Variants in PPP1R3A observed in about 807,000 individuals in gnomAD.
PPP1R3A encodes RG1.
Under a neutral mutation model 41.7 loss-of-function variants are expected in PPP1R3A, and 29 were observed. The observed-to-expected ratio is 0.70, with a 90% CI of 0.52 to 0.95. The LOEUF (loss-of-function observed/expected upper bound fraction) is 0.95, where lower values mean the gene tolerates loss of function less well. Among genes scored for constraint, PPP1R3A ranks in the 40% least tolerant of loss-of-function variants. PPP1R3A has a pLI of 0.00. For synonymous variants in PPP1R3A, 485 were observed against 453.4 expected, an observed-to-expected ratio of 1.07 and a Z score of -0.89; for missense variants, 1,352 against 1,292.4, an observed-to-expected ratio of 1.05 and a Z score of -0.71.
At chr7:113,894,214 G>C (rs1434299690) in intron 1 of PPP1R3A, among the ~76,000 whole-genome samples, 1 of 151,944 alleles carries the variant, frequency 6.6e-6, no homozygotes, top group Non-Finnish European at 1.5e-5. Context: ...GGTTGCTTTG[G>C]AATGAGATAT....
chr7:113,899,042 T>A (rs190378598), intron 1 of PPP1R3A, among the ~76,000 whole-genome samples: 4 of 151,930 alleles, frequency 2.6e-5, no homozygotes, highest in Admixed American at 6.6e-5. Flanking sequence ...GCTAACAGAC[T>A]GACTGGCCTA....
At chr7:113,881,351 GTAAAGGA>G (rs1293841285) in intron 3 of PPP1R3A, among the ~76,000 whole-genome samples, 1 of 151,946 alleles carries the variant, frequency 6.6e-6, no homozygotes, top group Non-Finnish European at 1.5e-5. Flanking sequence ...TCCAAATACA[GTAAAGGA>G]TAAATTGCAT....
chr7:113,917,300 G>C (rs1384825382), intron 1 of PPP1R3A, among the ~76,000 whole-genome samples: 2 of 151,998 alleles, frequency 1.3e-5, no homozygotes, highest in Non-Finnish European at 2.9e-5. Flanking sequence ...CCTGTGGCTG[G>C]AGCAATGTAG....
rs1796602393 is a variant in PPP1R3A, at chr7:113,878,026, T to C, written c.3066A>G (p.Glu1022=). 4 of 1,613,230 alleles carry C rather than the reference T, an allele frequency of 2.5e-6. No individual in the cohort carries two copies. The South Asian group carries it at 3.3e-5, about 13-fold the overall frequency. The change falls in exon 4 of 4, where the codon GAA becomes GAG. Residue 1022 remains glutamate (E), a synonymous_variant. Coordinates refer to ENST00000284601, the MANE Select transcript of PPP1R3A (RefSeq NM_002711.4). Reference sequence around the variant, plus strand: ...ATCCTTCATTTTCATGCCTTGCTTCTTCCATATTCTCAAGAGGTTTGTTGA... The same window carrying C: ...ATCCTTCATTTTCATGCCTTGCTTCCTCCATATTCTCAAGAGGTTTGTTGA... The part of the protein sequence containing the change: ...ILINKPLENM[E]EARHENEGLV...
At chr7:113,903,755 T>C (rs1184840514) in intron 1 of PPP1R3A, among the ~76,000 whole-genome samples, 1 of 151,734 alleles carries the variant, frequency 6.6e-6, no homozygotes, top group Admixed American at 6.6e-5. Context: ...AAGCACAAAA[T>C]CTTCAGCCTA....
chr7:113,887,017 T>C (rs975228570), intron 1 of PPP1R3A, among the ~76,000 whole-genome samples: 1 of 152,156 alleles, frequency 6.6e-6, no homozygotes, highest in East Asian at 1.9e-4. Context: ...AGTGAATAAA[T>C]GCACAGCATC....
intron 1 of PPP1R3A, among the ~76,000 whole-genome samples, chr7:113,907,701 A>C (rs1259938779): frequency 6.6e-6 from 1 of 151,852 alleles, no homozygotes; most frequent in East Asian, 1.9e-4. Context: ...CAAGGGAATA[A>C]AACTACTTAT....
intron 1 of PPP1R3A, among the ~76,000 whole-genome samples, chr7:113,885,530 C>G (rs908574888): frequency 6.6e-6 from 1 of 152,012 alleles, no homozygotes; most frequent in African/African-American, 2.4e-5. Flanking sequence ...AAAGAATGTT[C>G]ATGGTGTCAT....
chr7:113,877,910 G>A lies in PPP1R3A; in HGVS notation c.3182C>T (p.Ala1061Val). ...TGAAAACAAAGATTCGTTGCCTTGA[G>A]CTTGACTTTCCTCAACAGGAAGACT... is the stretch of plus-strand genomic sequence containing the variant. ...STSLPVEESQ[A>V]QGNESLFSKY... Residue 1061 changes from alanine (A) to valine (V), a missense_variant, in exon 4 of 4, where the codon GCT becomes GTT. Transcript: ENST00000284601. 1 of 1,613,164 alleles carries A rather than the reference G, an allele frequency of 6.2e-7. No homozygotes were observed. Among genetic ancestry groups the A allele is most frequent in the Non-Finnish European group, 8.5e-7 (1 of 1,179,416 alleles).
chr7:113,906,328 T>C (rs1797146129), intron 1 of PPP1R3A, among the ~76,000 whole-genome samples: 1 of 151,854 alleles, frequency 6.6e-6, no homozygotes, highest in African/African-American at 2.4e-5. Flanking sequence ...CATTCTTAAT[T>C]TTTAAAATAA....
In PPP1R3A at chr7:113,879,956, G is replaced by A. The variant is rs1275417952; in HGVS notation, c.1136C>T (p.Ser379Leu). The A allele has an allele frequency of 4.3e-6, 7 of 1,613,502 alleles. No homozygotes were observed. The highest frequency in any genetic ancestry group is 1.7e-4 in the Middle Eastern group (1 of 6,060). Residue 379 changes from serine (S) to leucine (L), a missense_variant, in exon 4 of 4, where the codon TCA becomes TTA. Ser to Leu is a moderately radical substitution (Grantham distance 145, BLOSUM62 -2). Coordinates refer to ENST00000284601, the MANE Select transcript of PPP1R3A (RefSeq NM_002711.4). ...LFQRSLSPSS[S>L]AESSVKGDFY... is the part of the protein sequence containing the mutation. Reference sequence around the variant, plus strand: ...ATCTCCCTTTACGGAGCTTTCTGCTGATGAACTTGGAGACAGAGACCTTTG... The same window carrying A: ...ATCTCCCTTTACGGAGCTTTCTGCTAATGAACTTGGAGACAGAGACCTTTG...
In PPP1R3A at chr7:113,888,418, A is replaced by G. The variant is rs115736359; in HGVS notation, c.783-6098T>C. On this transcript the variant is annotated intron_variant, in intron 1 of 3. Coordinates refer to ENST00000284601, the MANE Select transcript of PPP1R3A (RefSeq NM_002711.4). ...TGAAGAAAGAGAAAAAGAACCAAAT[A>G]TGAGTTTTAATTTTTGTTGTAGCAT... 2.9e-3 allele frequency among the ~76,000 whole-genome samples: 437 copies of G among 152,282 alleles called. 2 individuals carry two copies. The highest frequency in any genetic ancestry group is 0.01 in the African/African-American group (417 of 41,558).
chr7:113,905,010 A>G (rs1365638067), intron 1 of PPP1R3A, among the ~76,000 whole-genome samples: 1 of 151,662 alleles, frequency 6.6e-6, no homozygotes, highest in Non-Finnish European at 1.5e-5. Flanking sequence ...AACACCATGT[A>G]TTACCTATCT....
intron 1 of PPP1R3A, among the ~76,000 whole-genome samples, chr7:113,885,348 C>G (rs929302329): frequency 2.2e-4 from 34 of 152,152 alleles, no homozygotes; most frequent in Middle Eastern, 3.4e-3. Context: ...CACCTGGCCC[C>G]CAGGCTTTCT....
chr7:113,917,014 C>A (rs1443278359), intron 1 of PPP1R3A, among the ~76,000 whole-genome samples: 3 of 151,914 alleles, frequency 2.0e-5, no homozygotes, highest in Non-Finnish European at 4.4e-5. Context: ...ATCTATACTG[C>A]ATTTAGTTTA....
At chr7:113,888,154 A>G (rs555583457) in intron 1 of PPP1R3A, among the ~76,000 whole-genome samples, 144 of 152,296 alleles carry the variant, frequency 9.5e-4, no homozygotes, top group Non-Finnish European at 1.5e-3. Context: ...GCCAGATTGT[A>G]AAGGGCTTAG....
At position 113,878,478 on chromosome 7, in the gene PPP1R3A, C is replaced by T. The variant is rs1193441994; in HGVS notation, c.2614G>A (p.Asp872Asn). 6.2e-7 allele frequency: 1 copy of T among 1,612,954 alleles called. No individual in the cohort carries two copies. Among genetic ancestry groups the T allele is most frequent in the Non-Finnish European group, 8.5e-7 (1 of 1,179,626 alleles). ...CTGTTTTCTGAAAATACAGTTTTGT[C>T]TGTTGGTAACATTCCCAACTGTAAA... The part of the protein sequence containing the change: ...LDLQLGMLPT[D>N]KTVFSENRDL... Residue 872 changes from aspartate to asparagine, a missense_variant, in exon 4 of 4, where the codon GAC becomes AAC. Transcript: ENST00000284601.
At chr7:113,910,810 C>T (rs553066877) in intron 1 of PPP1R3A, among the ~76,000 whole-genome samples, 7 of 152,136 alleles carry the variant, frequency 4.6e-5, no homozygotes, top group Admixed American at 2.0e-4. Flanking sequence ...TCTCTAAATA[C>T]CACGGATGAT....
At chr7:113,899,883 A>C (rs560794301) in intron 1 of PPP1R3A, among the ~76,000 whole-genome samples, 1 of 151,906 alleles carries the variant, frequency 6.6e-6, no homozygotes, top group African/African-American at 2.4e-5. Context: ...TAAGACCTTT[A>C]GTAAAAATAC....
Sources: gnomAD v4.1 joint callset for allele counts (sites outside exome capture counted in the v4.1 genomes callset) on GRCh38, gnomAD v4.1.1 for gene constraint, MANE v1.5 for transcripts, NCBI Gene and HGNC (gene_info 2026-07-23, HGNC 2026-07-21) for gene names.